The following RADIL variants were observed in gnomAD, a reference collection of about 807,000 sequenced individuals.
RADIL encodes the protein Rap associating with DIL domain, also known as ras-associating and dilute domain-containing protein.
Under a neutral mutation model 97.6 loss-of-function variants are expected in RADIL, and 99 were observed. The observed-to-expected ratio is 1.01, with a 90% CI of 0.86 to 1.20. RADIL has a LOEUF of 1.20. RADIL is among the 50% of genes most tolerant of loss of function. The pLI, the probability that RADIL is intolerant of heterozygous loss-of-function variation, is 0.00. For missense variants in RADIL, 1,765 were observed against 1,498.9 expected (o/e 1.18, Z -2.93); for synonymous variants, 803 against 691.8 (o/e 1.16, Z -2.52).
rs1782829662 is a variant in RADIL, at chr7:4,821,475, G to A, written c.1615+919C>T. Among the ~76,000 whole-genome samples the A allele has an allele frequency of 6.6e-6, 1 of 152,176 alleles. No individual in the cohort carries two copies. The highest frequency in any genetic ancestry group is 1.5e-5 in the Non-Finnish European group (1 of 68,028). ...AATCCTACCCCGGCTTCCGGGCCCG[G>A]CCCCATGCCACCTTCCTCTCGAAGC... On this transcript the variant is annotated intron_variant, in intron 6 of 14. Transcript: ENST00000399583. This position sits in a 1 kb window ranked among gnomAD's most constrained non-coding sequence, Gnocchi z 5.2.
chr7:4,828,960 C>T (rs1783069037), intron 5 of RADIL, among the ~76,000 whole-genome samples: 2 of 152,308 alleles, frequency 1.3e-5, no homozygotes, highest in South Asian at 4.1e-4. Context: ...TTCCAGTCCT[C>T]CCTGCACCTC....
intron 2 of RADIL, chr7:4,860,661 T>C: frequency 6.2e-7 from 1 of 1,614,224 alleles, no homozygotes. Flanking sequence ...TGTTTTTCTG[T>C]TGATGCACTT....
Position 4,816,410 on chromosome 7 carries a change from C to T in RADIL, c.1784G>A (p.Arg595His), listed in dbSNP as rs559606209. Residue 595 changes from arginine to histidine, a missense_variant, in exon 8 of 15, where the codon CGC becomes CAC. Physicochemically the swap from Arg to His is conservative, Grantham distance 29. Coordinates refer to ENST00000399583, the MANE Select transcript of RADIL (RefSeq NM_018059.5). The part of the protein sequence containing the change: ...LLECPPFQTE[R>H]RESWSSAPEL... Reference sequence around the variant, plus strand: ...GGGGGCCGAGGACCAGCTCTCACGGCGCTCCGTCTGGAATGGCGGGCACTC... The same window carrying T: ...GGGGGCCGAGGACCAGCTCTCACGGTGCTCCGTCTGGAATGGCGGGCACTC... The T allele has an allele frequency of 6.0e-5, 96 of 1,609,026 alleles. No individual in the cohort carries two copies. Among genetic ancestry groups the T allele is most frequent in the African/African-American group, 8.0e-5 (6 of 75,010 alleles).
chr7:4,855,783 G>T (rs1783814474), intron 2 of RADIL, among the ~76,000 whole-genome samples: 2 of 151,880 alleles, frequency 1.3e-5, no homozygotes, highest in South Asian at 4.2e-4. Flanking sequence ...TTTAAACTGG[G>T]TTGTTGGGGA....
At position 4,820,236 on chromosome 7, in the gene RADIL, G is replaced by A. The variant is rs112318881; in HGVS notation, c.1615+2158C>T. 2.4e-3 allele frequency among the ~76,000 whole-genome samples: 369 copies of A among 152,300 alleles called. 7 individuals carry two copies. Among genetic ancestry groups the A allele is most frequent in the African/African-American group, 8.3e-3 (346 of 41,570 alleles). On this transcript the variant is annotated intron_variant, in intron 6 of 14. Coordinates refer to ENST00000399583, the MANE Select transcript of RADIL (RefSeq NM_018059.5). ...TGCCTCCATCCCAGGGCCACCTGCCGGCTGCAAATCCAGCCCTGGAGGATG... is the reference window on the plus strand; with the variant it reads ...TGCCTCCATCCCAGGGCCACCTGCCAGCTGCAAATCCAGCCCTGGAGGATG...
At chr7:4,866,278 T>G (rs1323080255) in intron 2 of RADIL, among the ~76,000 whole-genome samples, 2 of 152,210 alleles carry the variant, frequency 1.3e-5, no homozygotes, top group East Asian at 3.8e-4. Flanking sequence ...ATTACAGGCA[T>G]GAACCACTGC....
In RADIL at chr7:4,799,486, G is replaced by A; in HGVS notation, c.3123-3C>T. 1 of 1,613,924 alleles carries A rather than the reference G, an allele frequency of 6.2e-7. No individual in the cohort carries two copies. Among genetic ancestry groups the A allele is most frequent in the Non-Finnish European group, 8.5e-7 (1 of 1,179,978 alleles). On this transcript the variant is annotated splice_region_variant and splice_polypyrimidine_tract_variant and intron_variant, in intron 14 of 14. Transcript: ENST00000399583. ...CATGACGGATCAGGTCCACAGCTCTGAAATCCATGCCAGAGGTGGGGGTGG... is the reference window on the plus strand; with the variant it reads ...CATGACGGATCAGGTCCACAGCTCTAAAATCCATGCCAGAGGTGGGGGTGG...
At position 4,872,099 on chromosome 7, in the gene RADIL, G is replaced by C. The variant is rs1385167326; in HGVS notation, c.535+5506C>G. Among the ~76,000 whole-genome samples the C allele has an allele frequency of 6.6e-6, 1 of 152,144 alleles. No homozygotes were observed. Among genetic ancestry groups the C allele is most frequent in the African/African-American group, 2.4e-5 (1 of 41,436 alleles). On this transcript the variant is annotated intron_variant, in intron 2 of 14. Coordinates refer to ENST00000399583, the MANE Select transcript of RADIL (RefSeq NM_018059.5). This position sits in a 1 kb window ranked among gnomAD's most constrained non-coding sequence, Gnocchi z 5.8. Reference sequence around the variant, plus strand: ...AAACAAATGTCGCCACTGTGGATCAGGCCTGAGGGCCTGGGGCAGGTACTC... The same window carrying C: ...AAACAAATGTCGCCACTGTGGATCACGCCTGAGGGCCTGGGGCAGGTACTC...
rs868760260 is a variant in RADIL at position 4,803,429 on chromosome 7, C to A, written c.2499+117G>T. On this transcript the variant is annotated intron_variant, in intron 11 of 14. Coordinates refer to ENST00000399583, the MANE Select transcript of RADIL (RefSeq NM_018059.5). ...ACACTGGCTGGGCCCCCTCCCCGGG[C>A]ACCTCGGGGCACGCTGGCTGGGTGG... is the stretch of plus-strand genomic sequence containing the variant. 3.4e-5 allele frequency: 29 copies of A among 857,548 alleles called. 1 individual carries two copies. In the South Asian group the frequency reaches 5.1e-4, roughly 15 times the overall value. The allele number at this position is 857,548 out of a possible 1,614,324, so 53.1% of individuals were successfully genotyped here.
chr7:4,870,161 C>T (rs1435099270), intron 2 of RADIL, among the ~76,000 whole-genome samples: 1 of 152,024 alleles, frequency 6.6e-6, no homozygotes, highest in Non-Finnish European at 1.5e-5. Flanking sequence ...ACAGCAACAA[C>T]AACAAAAACA....
rs1245544932 is a variant in RADIL at position 4,798,364 on chromosome 7, C to G, written c.*1014G>C. The G allele has an allele frequency of 7.2e-5, 11 of 152,214 alleles. No individual in the cohort carries two copies. Among genetic ancestry groups the G allele is most frequent in the Admixed American group, 7.2e-4 (11 of 15,272 alleles). 9.4% of individuals were successfully genotyped at this position (152,214 alleles called of 1,614,324 possible). ...CGATCTGGGGACCCCGCACAGACCT[C>G]TGTCCCAGTGAGAGGTGCATCTGCA... is the stretch of plus-strand genomic sequence containing the variant. On this transcript the variant is annotated 3_prime_UTR_variant, in exon 15 of 15. Transcript: ENST00000399583.
At chr7:4,846,732 G>C (rs1783585000) in intron 2 of RADIL, among the ~76,000 whole-genome samples, 1 of 151,126 alleles carries the variant, frequency 6.6e-6, no homozygotes. Context: ...TTTTAGTAGA[G>C]ATGGGGTTTC....
rs1028834303 is a variant in RADIL, at chr7:4,862,092, C to T, written c.535+15513G>A. ...GCGCGAGGGCTCACGGGAGCCACAG[C>T]GTTCTGGGCTGGGGCTCCTACCGCT... On this transcript the variant is annotated intron_variant, in intron 2 of 14. Transcript: ENST00000399583. 6 of 356,338 alleles carry T rather than the reference C, an allele frequency of 1.7e-5. No homozygotes were observed. The South Asian group carries it at 4.5e-4, about 27-fold the overall frequency. 22.1% of individuals were successfully genotyped at this position (356,338 alleles called of 1,614,324 possible).
At position 4,815,564 on chromosome 7, in the gene RADIL, G is replaced by A; in HGVS notation, c.1967-114C>T. 8.6e-7 allele frequency: 1 copy of A among 1,164,378 alleles called. No individual in the cohort carries two copies. The highest frequency in any genetic ancestry group is 1.2e-6 in the Non-Finnish European group (1 of 857,160). The allele number at this position is 1,164,378 out of a possible 1,614,324, so 72.1% of individuals were successfully genotyped here. On this transcript the variant is annotated intron_variant, in intron 8 of 14. Transcript: ENST00000399583. The surrounding 1 kb of genome is among the most constrained non-coding windows in gnomAD (Gnocchi z 8.0). The stretch of plus-strand genomic sequence containing the variant: ...GCTCTGGGCCACTGAGGACATCACA[G>A]CTCGATGACAGGCAGGACACCTTCC...
Position 4,805,654 on chromosome 7 carries a change from C to A in RADIL, c.2202G>T (p.Leu734=), listed in dbSNP as rs757381135. ...CCGAGGCCAGCTGGTAGTGAGTCAG[C>A]AGCCGGTGCAGCTGTGCTGGGCTCA... ...PALSPAQLHR[L]LTHYQLASAM... is the part of the protein sequence containing the mutation. The change falls in exon 10 of 15, where the codon CTG becomes CTT. Residue 734 remains leucine, a synonymous_variant. Transcript: ENST00000399583. The A allele has an allele frequency of 6.2e-7, 1 of 1,611,838 alleles. No homozygotes were observed. Among genetic ancestry groups the A allele is most frequent in the Admixed American group, 1.7e-5 (1 of 60,018 alleles).
At chr7:4,861,012 A>C in intron 2 of RADIL, 1 of 1,614,214 alleles carries the variant, frequency 6.2e-7, no homozygotes, top group South Asian at 1.1e-5. Context: ...ACAAGAGTTG[A>C]CGCTACTGCA....
At chr7:4,805,384 T>A in intron 10 of RADIL, 182 bp downstream of exon 10, 1 of 652,832 alleles carries the variant, frequency 1.5e-6, no homozygotes, top group Non-Finnish European at 2.3e-6. Context: ...GGTCCCCGGA[T>A]CCCCAGGTTG....
At chr7:4,799,507 G>A (rs765070684) in intron 14 of RADIL, 24 bp from the exon 15 acceptor site, 14 of 1,613,690 alleles carry the variant, frequency 8.7e-6, no homozygotes, top group South Asian at 6.6e-5. Context: ...CAGAGGTGGG[G>A]GTGGGCAGGA....
At chr7:4,881,544 T>C (rs1238101682) in intron 1 of RADIL, among the ~76,000 whole-genome samples, 1 of 151,148 alleles carries the variant, frequency 6.6e-6, no homozygotes, top group Non-Finnish European at 1.5e-5. Flanking sequence ...CTGGCCAACA[T>C]GGTGAAACCC....
Sources: allele counts gnomAD v4.1 joint callset (sites outside exome capture counted in the v4.1 genomes callset), GRCh38; gene constraint gnomAD v4.1.1; non-coding constraint Gnocchi (gnomAD v3.1); transcripts MANE v1.5; gene names NCBI Gene and HGNC (gene_info 2026-07-23, HGNC 2026-07-21).